ADAM20: variants seen among roughly 807,000 people sequenced by gnomAD.
ADAM20 encodes the protein ADAM metallopeptidase domain 20.
For missense variants in ADAM20, 871 were observed against 883.2 expected (o/e 0.99, Z 0.18); for synonymous variants, 305 against 310.2 (o/e 0.98, Z 0.18).
intron 1 of ADAM20, among the ~76,000 whole-genome samples, chr14:70,525,868 G>A (rs759009806): frequency 1.6e-4 from 24 of 152,286 alleles, no homozygotes; most frequent in Non-Finnish European, 4.4e-5. Context: ...GTAACAGGGA[G>A]TGAGGCAGCT....
At position 70,523,762 on chromosome 14, in the gene ADAM20, C is replaced by A. The variant is rs1883513656; in HGVS notation, c.996G>T (p.Arg332Ser). 6.2e-7 allele frequency: 1 copy of A among 1,614,072 alleles called. No homozygotes were observed. The highest frequency in any genetic ancestry group is 8.5e-7 in the Non-Finnish European group (1 of 1,179,980). Residue 332 changes from arginine (R) to serine (S), a missense_variant, in exon 2 of 2, where the codon AGG becomes AGT. Coordinates refer to ENST00000256389, the MANE Select transcript of ADAM20 (RefSeq NM_003814.5). The part of the protein sequence containing the change: ...NTGVDVFEDN[R>S]LVVFAITLGH... The stretch of plus-strand genomic sequence containing the variant: ...CCAAAGTAATTGCAAAAACGACCAA[C>A]CTGTTGTCTTCAAAAACATCAACTC...
At chr14:70,535,562 T>C (rs767676451), upstream of ADAM20, among the ~76,000 whole-genome samples, 1 of 152,152 alleles carries the variant, frequency 6.6e-6, no homozygotes, top group Non-Finnish European at 1.5e-5. Context: ...CACCTCAAGC[T>C]TGAGACCTTA....
At chr14:70,562,280 C>T in the ADAM20 span, among the ~76,000 whole-genome samples, 7 of 152,200 alleles carry the variant, frequency 4.6e-5, no homozygotes, top group Non-Finnish European at 8.8e-5. Flanking sequence ...CGGCCTATAG[C>T]CCCTTTGTGT....
chr14:70,535,542 G>C (rs1254531077), upstream of ADAM20, among the ~76,000 whole-genome samples: 2 of 152,166 alleles, frequency 1.3e-5, no homozygotes, highest in Non-Finnish European at 2.9e-5. Context: ...TCCTGTCTGA[G>C]AAGTCTATGC....
chr14:70,555,901 T>C, the ADAM20 span, among the ~76,000 whole-genome samples: 1 of 152,184 alleles, frequency 6.6e-6, no homozygotes, highest in Non-Finnish European at 1.5e-5. Flanking sequence ...TTCCTCTCCC[T>C]AGAATCCCAG....
chr14:70,559,032 A>G, the ADAM20 span, among the ~76,000 whole-genome samples: 1 of 152,230 alleles, frequency 6.6e-6, no homozygotes. Context: ...TCATGGTATT[A>G]AAGACCATAT....
chr14:70,542,012 G>T, the ADAM20 span, among the ~76,000 whole-genome samples: 12 of 152,304 alleles, frequency 7.9e-5, no homozygotes, highest in African/African-American at 2.9e-4. Context: ...TAAAAAGTAG[G>T]ACAGGAATTA....
At chr14:70,559,947 G>T in the ADAM20 span, among the ~76,000 whole-genome samples, 12 of 152,138 alleles carry the variant, frequency 7.9e-5, no homozygotes, top group African/African-American at 2.9e-4. Context: ...TTCTTTTATT[G>T]CTCTTGTGTT....
At chr14:70,570,272 G>A in the ADAM20 span, among the ~76,000 whole-genome samples, 1 of 151,970 alleles carries the variant, frequency 6.6e-6, no homozygotes, top group Non-Finnish European at 1.5e-5. Context: ...AGAAAAAAAA[G>A]AAAGAAATAT....
At chr14:70,542,314 A>G in the ADAM20 span, among the ~76,000 whole-genome samples, 1 of 152,246 alleles carries the variant, frequency 6.6e-6, no homozygotes, top group East Asian at 1.9e-4. Flanking sequence ...AGAGGACACA[A>G]TTGGAAAAAC....
intron 1 of ADAM20, among the ~76,000 whole-genome samples, chr14:70,525,413 A>T (rs1346510209): frequency 6.6e-6 from 1 of 151,936 alleles, no homozygotes; most frequent in Non-Finnish European, 1.5e-5. Flanking sequence ...ATAGAGATGG[A>T]GTCTCACTAT....
At chr14:70,567,206 T>C in the ADAM20 span, among the ~76,000 whole-genome samples, 1 of 151,802 alleles carries the variant, frequency 6.6e-6, no homozygotes, top group Admixed American at 6.6e-5. Flanking sequence ...TGTAGATACC[T>C]AGTGGACCTC....
chr14:70,540,344 CT>C, the ADAM20 span, among the ~76,000 whole-genome samples: 2 of 151,912 alleles, frequency 1.3e-5, no homozygotes, highest in African/African-American at 2.4e-5. Context: ...ATTAATTGGC[CT>C]AAGAAAAATA....
chr14:70,524,643 A>C lies in ADAM20; in HGVS notation c.115T>G (p.Ser39Ala). 1.2e-6 allele frequency: 2 copies of C among 1,613,954 alleles called. No individual in the cohort carries two copies. The highest frequency in any genetic ancestry group is 1.7e-6 in the Non-Finnish European group (2 of 1,179,918). ...TTCAAAGGGATCACCACTTCTGGAGAAGTGAAATACTGGGAGGGCCTGGCC... is the reference window on the plus strand; with the variant it reads ...TTCAAAGGGATCACCACTTCTGGAGCAGTGAAATACTGGGAGGGCCTGGCC... ...SQARPSQYFT[S>A]PEVVIPLKVI... Residue 39 changes from serine (S) to alanine (A), a missense_variant, in exon 2 of 2, where the codon TCT becomes GCT. Physicochemically the swap from Ser to Ala is moderately conservative, Grantham distance 99. Transcript: ENST00000256389.
rs775171224 is a variant in ADAM20 at position 70,523,703 on chromosome 14, T to C, written c.1055A>G (p.His352Arg). ...CTCGCACACACACCACTGGGTGTCA[T>C]GTTGCATACCCAAATTATGACCAAG... ...HELGHNLGMQ[H>R]DTQWCVCELQ... The change falls in exon 2 of 2, where the codon CAT becomes CGT. Residue 352 changes from histidine to arginine, a missense_variant. Transcript: ENST00000256389. The C allele has an allele frequency of 1.9e-6, 3 of 1,614,096 alleles. No individual in the cohort carries two copies. Among genetic ancestry groups the C allele is most frequent in the South Asian group, 2.2e-5 (2 of 91,088 alleles).
chr14:70,554,527 CACACACACACACAG>C, the ADAM20 span, among the ~76,000 whole-genome samples: 1 of 151,508 alleles, frequency 6.6e-6, no homozygotes, highest in African/African-American at 2.4e-5. Context: ...TTGTGATAGA[CACACACACACACAG>C]ACACACACAC....
At chr14:70,571,916 T>C in the ADAM20 span, among the ~76,000 whole-genome samples, 6 of 152,162 alleles carry the variant, frequency 3.9e-5, no homozygotes, top group East Asian at 7.7e-4. Flanking sequence ...GGAATATGTT[T>C]AACCAAGAAG....
chr14:70,555,639 C>T, the ADAM20 span, among the ~76,000 whole-genome samples: 2 of 152,036 alleles, frequency 1.3e-5, no homozygotes, highest in Non-Finnish European at 2.9e-5. Flanking sequence ...TTCTTTTTTT[C>T]ACGACAGACA....
chr14:70,571,149 C>T, the ADAM20 span, among the ~76,000 whole-genome samples: 1 of 152,166 alleles, frequency 6.6e-6, no homozygotes, highest in African/African-American at 2.4e-5. Context: ...TAACATCATA[C>T]TGAATGGGCA....
Sources: allele counts gnomAD v4.1 joint callset (sites outside exome capture counted in the v4.1 genomes callset), GRCh38; gene constraint gnomAD v4.1.1; transcripts MANE v1.5; gene names NCBI Gene and HGNC (gene_info 2026-07-23, HGNC 2026-07-21).